ANKRD45: variants seen among roughly 807,000 people sequenced by gnomAD.
The protein encoded by ANKRD45 is ankyrin repeat domain-containing protein 45.
A neutral mutation model predicts 28.1 loss-of-function variants in ANKRD45; 21 were observed. The ratio of observed to expected loss-of-function variants is 0.75; its 90% CI spans 0.53 to 1.08. The LOEUF (loss-of-function observed/expected upper bound fraction) is 1.08, where lower values mean the gene tolerates loss of function less well. Among genes scored for constraint, ANKRD45 ranks in the 50% least tolerant of loss-of-function variants. The pLI is 0.00. For missense variants in ANKRD45, 261 were observed against 308.7 expected (o/e 0.85, Z 1.16); for synonymous variants, 86 against 103.9 (o/e 0.83, Z 1.05).
At chr1:173,701,759 G>A in the ANKRD45 span, among the ~76,000 whole-genome samples, 203 of 152,148 alleles carry the variant, frequency 1.3e-3, 2 homozygotes, top group Non-Finnish European at 2.3e-3. Flanking sequence ...CATGGCACAT[G>A]CCTATGTAAC....
chr1:173,625,446 GA>G (rs915788782), intron 4 of ANKRD45, among the ~76,000 whole-genome samples: 3 of 152,108 alleles, frequency 2.0e-5, no homozygotes, highest in African/African-American at 7.2e-5. Flanking sequence ...AGAAATACAA[GA>G]AAAGCTCCAT....
At chr1:173,654,429 C>G (rs887979561) in intron 2 of ANKRD45, among the ~76,000 whole-genome samples, 3 of 152,358 alleles carry the variant, frequency 2.0e-5, no homozygotes, top group South Asian at 4.1e-4. Flanking sequence ...TTGGCCCCCA[C>G]TCTCTACTGG....
the ANKRD45 span, among the ~76,000 whole-genome samples, chr1:173,699,073 A>C: frequency 6.6e-6 from 1 of 152,220 alleles, no homozygotes; most frequent in Non-Finnish European, 1.5e-5. Context: ...AAAATCTAGA[A>C]GAAATGGATA....
chr1:173,652,354 C>G (rs1387727254), intron 2 of ANKRD45, among the ~76,000 whole-genome samples: 1 of 152,024 alleles, frequency 6.6e-6, no homozygotes, highest in Non-Finnish European at 1.5e-5. Context: ...TTGAGATAAT[C>G]ATGTGTTTTT....
the ANKRD45 span, among the ~76,000 whole-genome samples, chr1:173,702,883 G>A: frequency 1.3e-5 from 2 of 151,824 alleles, no homozygotes; most frequent in African/African-American, 4.8e-5. Context: ...CCACCACCAT[G>A]CCTGGCTAAT....
chr1:173,629,508 G>A (rs909311078), intron 3 of ANKRD45, among the ~76,000 whole-genome samples: 1 of 151,992 alleles, frequency 6.6e-6, no homozygotes, highest in African/African-American at 2.4e-5. Flanking sequence ...AAATGCAATT[G>A]ACATACCAAA....
intron 3 of ANKRD45, among the ~76,000 whole-genome samples, chr1:173,641,569 C>T (rs895748304): frequency 5.9e-5 from 9 of 152,290 alleles, no homozygotes; most frequent in South Asian, 4.1e-4. Flanking sequence ...CATCAGTCCC[C>T]GAGCTGTATG....
At chr1:173,676,608 C>T in the ANKRD45 span, among the ~76,000 whole-genome samples, 3 of 151,828 alleles carry the variant, frequency 2.0e-5, no homozygotes, top group Non-Finnish European at 4.4e-5. Context: ...GAGTTTATAG[C>T]TGATTATAAA....
chr1:173,623,056 C>T (rs1667773003), intron 5 of ANKRD45, among the ~76,000 whole-genome samples: 1 of 151,394 alleles, frequency 6.6e-6, no homozygotes, highest in East Asian at 1.9e-4. Context: ...TGGCTCATGC[C>T]TGTAATCTCA....
At chr1:173,628,719 A>G (rs187189779) in intron 3 of ANKRD45, among the ~76,000 whole-genome samples, 1 of 152,308 alleles carries the variant, frequency 6.6e-6, no homozygotes, top group Non-Finnish European at 1.5e-5. Context: ...TGTTGCCTTT[A>G]CGGAAGGACG....
the ANKRD45 span, among the ~76,000 whole-genome samples, chr1:173,681,022 C>T: frequency 6.6e-6 from 1 of 151,762 alleles, no homozygotes; most frequent in East Asian, 2.0e-4. Flanking sequence ...AGGAGAAATA[C>T]CTAATGTAGA....
chr1:173,649,126 C>T (rs992992486), intron 2 of ANKRD45, among the ~76,000 whole-genome samples: 2 of 152,110 alleles, frequency 1.3e-5, no homozygotes, highest in African/African-American at 4.8e-5. Flanking sequence ...AATTTATCTA[C>T]CCTTCTATTG....
At position 173,608,792 on chromosome 1, in the gene ANKRD45, G is replaced by C. The variant is rs1022891034; in HGVS notation, c.*1353C>G. Among the ~76,000 whole-genome samples, 4 of 141,668 alleles carry C rather than the reference G, an allele frequency of 2.8e-5. No individual in the cohort carries two copies. The highest frequency in any genetic ancestry group is 7.1e-5 in the Admixed American group (1 of 14,100). The allele number at this position is 141,668 out of a possible 152,430, so 92.9% of individuals were successfully genotyped here. A position where few individuals can be genotyped will look rare whatever the true frequency, so the allele number is the denominator to read the frequency against. ...TGGAGAGAGAGAGAGAGATAAGAGAGGAAGAAGAAGGAGTTGGAGAGGGAA... is the reference window on the plus strand; with the variant it reads ...TGGAGAGAGAGAGAGAGATAAGAGACGAAGAAGAAGGAGTTGGAGAGGGAA... On this transcript the variant is annotated 3_prime_UTR_variant, in exon 6 of 6. Transcript: ENST00000333279.
the ANKRD45 span, among the ~76,000 whole-genome samples, chr1:173,685,915 G>A: frequency 6.6e-6 from 1 of 152,176 alleles, no homozygotes; most frequent in Non-Finnish European, 1.5e-5. Context: ...GGGGAGGGCT[G>A]TTCCTTTAAT....
chr1:173,632,098 G>C (rs1571717494), intron 3 of ANKRD45, among the ~76,000 whole-genome samples: 1 of 151,328 alleles, frequency 6.6e-6, no homozygotes, highest in South Asian at 2.1e-4. Flanking sequence ...CCATTAGCCA[G>C]ACTAAGAAAA....
intron 2 of ANKRD45, chr1:173,657,590 C>A (rs1281853540): frequency 7.0e-6 from 1 of 142,730 alleles, no homozygotes; most frequent in Non-Finnish European, 1.6e-5. Context: ...CTTTCCTTTC[C>A]ATCTATTCTG....
At chr1:173,696,360 T>C in the ANKRD45 span, among the ~76,000 whole-genome samples, 3 of 152,242 alleles carry the variant, frequency 2.0e-5, no homozygotes, top group Admixed American at 1.3e-4. Flanking sequence ...CCAAGGCCAG[T>C]GTCCAGAATG....
At chr1:173,654,092 T>A (rs1420996437) in intron 2 of ANKRD45, among the ~76,000 whole-genome samples, 2 of 152,170 alleles carry the variant, frequency 1.3e-5, no homozygotes, top group Middle Eastern at 3.2e-3. Flanking sequence ...ATTGCGGCAT[T>A]TACATTTATG....
upstream of ANKRD45, among the ~76,000 whole-genome samples, chr1:173,670,768 G>A (rs1670222250): frequency 6.6e-6 from 1 of 152,134 alleles, no homozygotes; most frequent in Non-Finnish European, 1.5e-5. Flanking sequence ...GCCAGGAAAA[G>A]GCACTCTCCG....
Sources: allele counts gnomAD v4.1 joint callset (sites outside exome capture counted in the v4.1 genomes callset), GRCh38; gene constraint gnomAD v4.1.1; transcripts MANE v1.5; gene names NCBI Gene and HGNC (gene_info 2026-07-23, HGNC 2026-07-21).